CELF2: variants seen among roughly 807,000 people sequenced by gnomAD.
The protein encoded by CELF2 is CUGBP Elav-like family member 2.
CELF2 carries 8 observed loss-of-function variants against 62.6 expected under a neutral mutation model. The ratio of observed to expected loss-of-function variants is 0.13; its 90% confidence interval spans 0.07 to 0.23. CELF2 has a LOEUF of 0.23. CELF2 is among the 10% of genes least tolerant of loss of function. CELF2 has a pLI of 1.00. For synonymous variants in CELF2, 258 were observed against 250.0 expected (o/e 1.03, Z -0.30); for missense variants, 333 against 671.0 (o/e 0.50, Z 5.56).
chr10:10,742,079 T>A, the CELF2 span, among the ~76,000 whole-genome samples: 4 of 152,212 alleles, frequency 2.6e-5, no homozygotes, highest in Admixed American at 6.5e-5. Context: ...ATTCCAGCCT[T>A]CCCCTGAACA....
the CELF2 span, among the ~76,000 whole-genome samples, chr10:10,604,073 A>G: frequency 5.3e-5 from 8 of 152,104 alleles, no homozygotes; most frequent in Non-Finnish European, 1.0e-4. Context: ...TGCCAGGTAT[A>G]GTGGTGGGTG....
At chr10:11,293,921 C>T (rs1031932150) in intron 9 of CELF2, among the ~76,000 whole-genome samples, 1 of 152,148 alleles carries the variant, frequency 6.6e-6, no homozygotes, top group Non-Finnish European at 1.5e-5. Flanking sequence ...CTCACAGTGA[C>T]GTTGGCAGGG....
chr10:11,044,479 G>A (rs898615736), intron 1 of CELF2, among the ~76,000 whole-genome samples: 8 of 151,982 alleles, frequency 5.3e-5, no homozygotes, highest in East Asian at 1.9e-4. Flanking sequence ...CTATATGTAC[G>A]TATCAATTTG....
At chr10:10,737,938 T>C in the CELF2 span, among the ~76,000 whole-genome samples, 1 of 152,152 alleles carries the variant, frequency 6.6e-6, no homozygotes, top group African/African-American at 2.4e-5. Flanking sequence ...GCAAACTCTT[T>C]GCACACCTGG....
At chr10:10,716,492 G>A in the CELF2 span, among the ~76,000 whole-genome samples, 3 of 152,168 alleles carry the variant, frequency 2.0e-5, no homozygotes, top group Non-Finnish European at 4.4e-5. Context: ...AGTGAGCTGA[G>A]ATCACACCAC....
intron 2 of CELF2, among the ~76,000 whole-genome samples, chr10:10,942,438 G>A (rs886193651): frequency 2.0e-5 from 3 of 152,186 alleles, no homozygotes; most frequent in Non-Finnish European, 4.4e-5. Flanking sequence ...CTATTGGAAT[G>A]AGGGCCTTAG....
intron 1 of CELF2, among the ~76,000 whole-genome samples, chr10:11,096,759 C>T (rs1389304435): frequency 6.6e-6 from 1 of 152,204 alleles, no homozygotes; most frequent in Non-Finnish European, 1.5e-5. Context: ...CAACAAGTCA[C>T]TCTCTCTGTG....
At position 10,957,896 on chromosome 10, in the gene CELF2, C is replaced by T. The variant is rs1176243752; in HGVS notation, c.89+37897C>T. On this transcript the variant is annotated intron_variant, in intron 2 of 13. Transcript: ENST00000636488. This position sits in a 1 kb window ranked among gnomAD's most constrained non-coding sequence, Gnocchi z 4.1. ...ATGAAACTAAGCACTTGAATCACTT[C>T]AGATTGTTTCGAAGAAAATCATTTT... Among the ~76,000 whole-genome samples, 1 of 152,192 alleles carries T rather than the reference C, an allele frequency of 6.6e-6. No individual in the cohort carries two copies. Among genetic ancestry groups the T allele is most frequent in the Admixed American group, 6.5e-5 (1 of 15,282 alleles).
chr10:10,781,558 A>T, the CELF2 span, among the ~76,000 whole-genome samples: 1 of 152,182 alleles, frequency 6.6e-6, no homozygotes, highest in Non-Finnish European at 1.5e-5. Flanking sequence ...CATGAGACTT[A>T]TTCACTATCA....
At chr10:10,753,197 A>G in the CELF2 span, among the ~76,000 whole-genome samples, 1 of 152,196 alleles carries the variant, frequency 6.6e-6, no homozygotes. Context: ...ACCGTGAAAC[A>G]CAATTTAAGG....
Position 11,270,792 on chromosome 10 carries a change from G to T in CELF2, c.745G>T (p.Gly249Trp). ...CACTGCCACCTGGGGGAACCTGACA[G>T]GGCTGGGCGGACTGACCCCACAGTA... ...LNTATWGNLT[G>W]LGGLTPQYLA... Residue 249 changes from glycine (G) to tryptophan (W), a missense_variant, in exon 7 of 13, where the codon GGG becomes TGG. This residue lies in a region of CELF2 where 253 missense variants were observed against 503.0 expected (regional missense o/e 0.50). Coordinates refer to ENST00000633077, the MANE Select transcript of CELF2 (RefSeq NM_001326342.2). This position sits in a 1 kb window ranked among gnomAD's most constrained non-coding sequence, Gnocchi z 5.8. The T allele has an allele frequency of 6.6e-7, 1 of 1,512,194 alleles. No homozygotes were observed. The highest frequency in any genetic ancestry group is 8.9e-7 in the Non-Finnish European group (1 of 1,124,422). The allele number at this position is 1,512,194 out of a possible 1,614,324, so 93.7% of individuals were successfully genotyped here.
chr10:10,770,639 C>G, the CELF2 span, among the ~76,000 whole-genome samples: 1 of 152,024 alleles, frequency 6.6e-6, no homozygotes, highest in African/African-American at 2.4e-5. Flanking sequence ...GCACAGAGCC[C>G]CCACTGCAAT....
intron 1 of CELF2, among the ~76,000 whole-genome samples, chr10:11,092,947 T>C (rs1227342772): frequency 2.6e-5 from 4 of 152,240 alleles, no homozygotes; most frequent in African/African-American, 4.8e-5. Context: ...AACTTTTCTT[T>C]GCACTTGTCT....
chr10:10,869,962 C>T (rs138581491), intron 1 of CELF2, among the ~76,000 whole-genome samples: 2 of 152,156 alleles, frequency 1.3e-5, no homozygotes, highest in African/African-American at 4.8e-5. Flanking sequence ...AAAGTAATGC[C>T]CAATTTTAAA....
At chr10:11,312,600 C>T (rs2094622660) in intron 9 of CELF2, among the ~76,000 whole-genome samples, 3 of 152,126 alleles carry the variant, frequency 2.0e-5, no homozygotes, top group Admixed American at 6.5e-5. Flanking sequence ...AGTAGGAATA[C>T]TATGCATGAC....
At chr10:11,047,103 T>C (rs1381288586) in intron 1 of CELF2, among the ~76,000 whole-genome samples, 1 of 152,156 alleles carries the variant, frequency 6.6e-6, no homozygotes, top group Non-Finnish European at 1.5e-5. Context: ...TAGAGGAAAA[T>C]GATGTTTTCC....
At chr10:10,527,858 C>G in the CELF2 span, among the ~76,000 whole-genome samples, 2 of 152,252 alleles carry the variant, frequency 1.3e-5, no homozygotes, top group South Asian at 4.1e-4. Context: ...GAGACTGACA[C>G]TGTGTATAAT....
Position 11,177,073 on chromosome 10 carries a change from A to T in CELF2, c.271+11391A>T, listed in dbSNP as rs779883902. Reference sequence around the variant, plus strand: ...TGCAGAAGCCTATATAGGGTGGCTCATTTGGACGAAGTATTGTTAAGGTGG... The same window carrying T: ...TGCAGAAGCCTATATAGGGTGGCTCTTTTGGACGAAGTATTGTTAAGGTGG... On this transcript the variant is annotated intron_variant, in intron 2 of 12. Coordinates refer to ENST00000633077, the MANE Select transcript of CELF2 (RefSeq NM_001326342.2). The surrounding 1 kb of genome is among the most constrained non-coding windows in gnomAD (Gnocchi z 4.8). Among the ~76,000 whole-genome samples, 1 of 152,184 alleles carries T rather than the reference A, an allele frequency of 6.6e-6. No homozygotes were observed. The highest frequency in any genetic ancestry group is 1.5e-5 in the Non-Finnish European group (1 of 68,032).
the CELF2 span, among the ~76,000 whole-genome samples, chr10:10,735,845 C>T: frequency 2.3e-4 from 35 of 152,144 alleles, no homozygotes; most frequent in Non-Finnish European, 4.4e-4. Context: ...GTGTTTTCAG[C>T]ATTTATTAGA....
Sources: allele counts gnomAD v4.1 joint callset (sites outside exome capture counted in the v4.1 genomes callset), GRCh38; gene constraint gnomAD v4.1.1; regional missense constraint gnomAD v4.1.1; non-coding constraint Gnocchi (gnomAD v3.1); transcripts MANE v1.5; gene names NCBI Gene and HGNC (gene_info 2026-07-23, HGNC 2026-07-21).